The following FGF13 variants were observed in gnomAD, a reference collection of about 807,000 sequenced individuals.
FGF13 encodes the protein fibroblast growth factor homologous factor 2.
Under a neutral mutation model 19.5 loss-of-function variants are expected in FGF13, and 2 were observed. The observed-to-expected ratio is 0.10, with a 90% confidence interval of 0.04 to 0.32. The LOEUF (loss-of-function observed/expected upper bound fraction) is 0.32. Ranked by LOEUF, FGF13 falls within the 10% of genes least tolerant of loss-of-function variation. The probability of loss-of-function intolerance (pLI) is 1.00; values close to 1 mark genes in which losing one functional copy is unlikely to be tolerated. For synonymous variants in FGF13, 72 were observed against 76.9 expected (o/e 0.94, Z 0.33); for missense variants, 113 against 192.7 (o/e 0.59, Z 2.45).
intron 3 of FGF13, among the ~76,000 whole-genome samples, chrX:138,848,132 C>T (rs1406276870): frequency 1.8e-5 from 2 of 111,992 alleles, no homozygotes; most frequent in Non-Finnish European, 3.8e-5. Context: ...GATTACCACA[C>T]GCTTATGGAG....
intron 1 of FGF13, among the ~76,000 whole-genome samples, chrX:139,139,427 A>G (rs1421121456): frequency 8.9e-6 from 1 of 112,069 alleles, no homozygotes; most frequent in Non-Finnish European, 1.9e-5. Flanking sequence ...CCAACAAAAC[A>G]TGAGCATATT....
At chrX:138,794,843 A>G (rs1372088200) in intron 3 of FGF13, among the ~76,000 whole-genome samples, 1 of 111,842 alleles carries the variant, frequency 8.9e-6, no homozygotes, top group Non-Finnish European at 1.9e-5. Context: ...TTTAAGAGAG[A>G]AAAAAACAGA....
intron 1 of FGF13, among the ~76,000 whole-genome samples, chrX:139,189,682 G>A (rs1184204969): frequency 1.8e-5 from 2 of 111,651 alleles, no homozygotes; most frequent in Non-Finnish European, 3.8e-5. Context: ...TGGGGTAATG[G>A]GGAAATGGGG....
chrX:138,817,453 G>A (rs1937550912), intron 3 of FGF13, among the ~76,000 whole-genome samples: 1 of 112,016 alleles, frequency 8.9e-6, no homozygotes, highest in Non-Finnish European at 1.9e-5. Flanking sequence ...GAATGCAAAG[G>A]CAACCTATGG....
intron 1 of FGF13, among the ~76,000 whole-genome samples, chrX:139,163,203 T>C (rs2084050329): frequency 8.9e-6 from 1 of 112,045 alleles, no homozygotes; most frequent in Non-Finnish European, 1.9e-5. Context: ...CATGGTATAC[T>C]ATGCAGCCAT....
chrX:139,068,550 G>A (rs1411250998), intron 1 of FGF13, among the ~76,000 whole-genome samples: 2 of 110,287 alleles, frequency 1.8e-5, no homozygotes, highest in South Asian at 4.0e-4. Context: ...GATGGGGATG[G>A]CATTGAATCT....
At chrX:138,752,509 T>C (rs1388930819) in intron 3 of FGF13, among the ~76,000 whole-genome samples, 1 of 112,541 alleles carries the variant, frequency 8.9e-6, no homozygotes, top group Non-Finnish European at 1.9e-5. Context: ...TGTTTGCGTA[T>C]ACTCTATAAT....
At chrX:138,663,761 T>C (rs2089512112) in intron 3 of FGF13, among the ~76,000 whole-genome samples, 1 of 111,486 alleles carries the variant, frequency 9.0e-6, no homozygotes, top group Non-Finnish European at 1.9e-5. Flanking sequence ...ACTGGCCATC[T>C]ATGCAAAATC....
intron 1 of FGF13, among the ~76,000 whole-genome samples, chrX:138,984,753 G>GAA (rs879551820): frequency 7.5e-5 from 8 of 106,689 alleles, no homozygotes; most frequent in Admixed American, 1.0e-4. Context: ...AGGAGGAGAA[G>GAA]GAGGAGAAAA....
At chrX:139,130,596 C>A (rs771505355) in intron 1 of FGF13, among the ~76,000 whole-genome samples, 2 of 111,889 alleles carry the variant, frequency 1.8e-5, no homozygotes, top group African/African-American at 6.5e-5. Context: ...GGTGCTAGAC[C>A]TATTAAGAAA....
chrX:138,752,961 C>T (rs928483529), intron 3 of FGF13, among the ~76,000 whole-genome samples: 1 of 112,216 alleles, frequency 8.9e-6, no homozygotes, highest in Admixed American at 9.5e-5. Context: ...ATAGTTGAAA[C>T]ATGAAATGAA....
At chrX:138,676,953 T>C (rs1243770516) in intron 3 of FGF13, among the ~76,000 whole-genome samples, 1 of 112,470 alleles carries the variant, frequency 8.9e-6, no homozygotes, top group East Asian at 2.8e-4. Flanking sequence ...ACTATTTCCT[T>C]ATAAGGAATT....
At chrX:138,743,792 T>C (rs1602775345), upstream of FGF13, among the ~76,000 whole-genome samples, 3 of 111,773 alleles carry the variant, frequency 2.7e-5, no homozygotes, top group African/African-American at 6.5e-5. Context: ...TTTAGTTTTT[T>C]TCATTTTTGT....
At chrX:139,134,635 C>T (rs1045516272) in intron 1 of FGF13, among the ~76,000 whole-genome samples, 3 of 111,641 alleles carry the variant, frequency 2.7e-5, no homozygotes, top group South Asian at 3.8e-4. Context: ...CGATACACAA[C>T]GTAGAGTAGT....
chrX:138,932,916 T>C (rs1337096730), intron 1 of FGF13, among the ~76,000 whole-genome samples: 3 of 110,953 alleles, frequency 2.7e-5, no homozygotes, highest in African/African-American at 6.6e-5. Flanking sequence ...AAGCAATTTG[T>C]GTTTCATGGA....
intron 1 of FGF13, among the ~76,000 whole-genome samples, chrX:138,921,062 C>A: frequency 9.0e-6 from 1 of 111,617 alleles, no homozygotes; most frequent in South Asian, 3.7e-4. Context: ...AAACCTACTT[C>A]AGAGGGCCAT....
intron 1 of FGF13, chrX:139,203,345 C>A (rs973109738): frequency 9.0e-6 from 1 of 110,916 alleles, no homozygotes; most frequent in African/African-American, 3.3e-5. Flanking sequence ...AGCCTTTGTT[C>A]TCCTGGGGCT....
chrX:139,034,844 C>T (rs751081700), intron 1 of FGF13, among the ~76,000 whole-genome samples: 1 of 111,714 alleles, frequency 9.0e-6, no homozygotes, highest in Non-Finnish European at 1.9e-5. Flanking sequence ...TCTTTACTTT[C>T]CAAAGCTATT....
chrX:138,812,108 C>T (rs7886764), intron 3 of FGF13, among the ~76,000 whole-genome samples: 2 of 111,327 alleles, frequency 1.8e-5, no homozygotes, highest in African/African-American at 6.5e-5. Flanking sequence ...CACTAACCTA[C>T]CATCTGTCTC....
Sources: gnomAD v4.1 joint callset for allele counts (sites outside exome capture counted in the v4.1 genomes callset) on GRCh38, gnomAD v4.1.1 for gene constraint, MANE v1.5 for transcripts, NCBI Gene and HGNC (gene_info 2026-07-23, HGNC 2026-07-21) for gene names.